Variants in ADAM23 observed in about 807,000 individuals in gnomAD.
ADAM23 encodes disintegrin and metalloproteinase domain-containing protein 23.
In ADAM23, 33 loss-of-function variants were observed where a neutral mutation model predicts 120.1. The ratio of observed to expected loss-of-function variants is 0.27; its 90% CI spans 0.21 to 0.37. The LOEUF (loss-of-function observed/expected upper bound fraction) is 0.37. Among genes scored for constraint, ADAM23 ranks in the 10% least tolerant of loss-of-function variants. ADAM23 has a pLI of 1.00. For synonymous variants in ADAM23, 367 were observed against 375.2 expected, an observed-to-expected ratio of 0.98 and a Z score of 0.25; for missense variants, 862 against 1,058.2, an observed-to-expected ratio of 0.81 and a Z score of 2.57.
rs138401907 is a variant in ADAM23, at chr2:206,486,319, G to A, written c.509+5011G>A. Among the ~76,000 whole-genome samples, 20 of 151,950 alleles carry A rather than the reference G, an allele frequency of 1.3e-4. No individual in the cohort carries two copies. In the East Asian group the frequency reaches 3.1e-3, roughly 24 times the overall value. ...ACAGAAGATTTTGAAAAGATCACTA[G>A]GGTAACGTTTCTTGTCTTTCCTTTT... On this transcript the variant is annotated intron_variant, in intron 3 of 25. Transcript: ENST00000264377.
chr2:206,508,655 CAAAAAAA>C (rs34489352), intron 3 of ADAM23, among the ~76,000 whole-genome samples: 3 of 100,930 alleles, frequency 3.0e-5, no homozygotes, highest in Admixed American at 9.6e-5. Context: ...ACTCTGTCTC[CAAAAAAA>C]AAAAAAAAAA....
chr2:206,453,257 AC>A (rs1691754490), intron 2 of ADAM23, among the ~76,000 whole-genome samples: 1 of 152,220 alleles, frequency 6.6e-6, no homozygotes, highest in Non-Finnish European at 1.5e-5. Flanking sequence ...AACCCCTGTG[AC>A]CAGTGGCAAG....
At chr2:206,557,363 C>A in intron 9 of ADAM23, 64 bp from the exon 10 acceptor site, 1 of 1,297,742 alleles carries the variant, frequency 7.7e-7, no homozygotes, top group Non-Finnish European at 1.1e-6. Context: ...TCTGCTTTTA[C>A]AGCATTTTGA....
rs186565610 is a variant in ADAM23 at position 206,500,836 on chromosome 2, A to G, written c.509+19528A>G. 4.4e-3 allele frequency among the ~76,000 whole-genome samples: 675 copies of G among 152,290 alleles called. 6 individuals carry two copies. The highest frequency in any genetic ancestry group is 6.9e-3 in the Non-Finnish European group (471 of 68,024). The stretch of plus-strand genomic sequence containing the variant: ...CACATCTGGTAGGGCTTTGAGTGTC[A>G]CAACCTCATGCTTTTAATTATTTAT... On this transcript the variant is annotated intron_variant, in intron 3 of 25. Coordinates refer to ENST00000264377, the MANE Select transcript of ADAM23 (RefSeq NM_003812.4).
At chr2:206,479,900 G>C (rs879688728) in intron 2 of ADAM23, among the ~76,000 whole-genome samples, 11 of 152,056 alleles carry the variant, frequency 7.2e-5, no homozygotes, top group Non-Finnish European at 1.6e-4. Flanking sequence ...TATCTGATTT[G>C]GCAGTGTGCT....
intron 24 of ADAM23, among the ~76,000 whole-genome samples, chr2:206,602,554 C>CTA (rs952484012): frequency 6.6e-6 from 1 of 152,254 alleles, no homozygotes; most frequent in African/African-American, 2.4e-5. Context: ...CAAATGATGA[C>CTA]TTTGATGCCT....
chr2:206,619,386 G>A lies in ADAM23; in HGVS notation c.*1759G>A, dbSNP rs1399209280. The A allele has an allele frequency of 6.6e-6, 1 of 152,076 alleles. No homozygotes were observed. Among genetic ancestry groups the A allele is most frequent in the African/African-American group, 2.4e-5 (1 of 41,392 alleles). 9.4% of individuals were successfully genotyped at this position (152,076 alleles called of 1,614,324 possible). ...CTTCTGTCACATGTTAAGTAAATAA[G>A]CTGAAGAAATTTGGTCCCGGCTTTG... is the stretch of plus-strand genomic sequence containing the variant. On this transcript the variant is annotated 3_prime_UTR_variant, in exon 26 of 26. Transcript: ENST00000264377.
At chr2:206,585,439 C>T (rs1698303165) in intron 18 of ADAM23, among the ~76,000 whole-genome samples, 1 of 152,154 alleles carries the variant, frequency 6.6e-6, no homozygotes, top group Non-Finnish European at 1.5e-5. Flanking sequence ...GCGAATGAAA[C>T]ATTTATGAGA....
chr2:206,605,832 C>T (rs1274053946), intron 24 of ADAM23: 1 of 698,696 alleles, frequency 1.4e-6, no homozygotes, highest in Non-Finnish European at 2.6e-6. Context: ...GTGGCCGGCA[C>T]CATTCTGGCC....
At chr2:206,565,818 G>A (rs2105826353) in intron 14 of ADAM23, among the ~76,000 whole-genome samples, 1 of 152,202 alleles carries the variant, frequency 6.6e-6, no homozygotes, top group Middle Eastern at 3.4e-3. Flanking sequence ...ACCATTTCTG[G>A]TCCTACCTCC....
At chr2:206,491,135 A>T (rs559249947) in intron 3 of ADAM23, among the ~76,000 whole-genome samples, 1 of 152,086 alleles carries the variant, frequency 6.6e-6, no homozygotes, top group African/African-American at 2.4e-5. Context: ...GTGAAATTCA[A>T]TGGATGTTTG....
At chr2:206,600,125 C>T (rs1426375791) in intron 24 of ADAM23, among the ~76,000 whole-genome samples, 1 of 152,178 alleles carries the variant, frequency 6.6e-6, no homozygotes, top group Non-Finnish European at 1.5e-5. Context: ...TGGCGTGAAC[C>T]TGGGAGGCAG....
intron 9 of ADAM23, among the ~76,000 whole-genome samples, chr2:206,551,947 G>A (rs1454448480): frequency 6.6e-6 from 1 of 152,192 alleles, no homozygotes; most frequent in Non-Finnish European, 1.5e-5. Flanking sequence ...AAAGCCAGAT[G>A]TGTAGGCAGT....
At chr2:206,506,555 G>A (rs749605270) in intron 3 of ADAM23, among the ~76,000 whole-genome samples, 72 of 152,266 alleles carry the variant, frequency 4.7e-4, no homozygotes, top group South Asian at 1.5e-3. Flanking sequence ...GGACCTTAAC[G>A]TTCCTAGGTT....
chr2:206,481,475 C>A (rs1203792295), intron 3 of ADAM23, among the ~76,000 whole-genome samples, 167 bp downstream of exon 3: 1 of 151,900 alleles, frequency 6.6e-6, no homozygotes. Context: ...ATATTTTTTT[C>A]CGAAATAAAA....
At chr2:206,549,606 G>C (rs183494321) in intron 8 of ADAM23, among the ~76,000 whole-genome samples, 323 of 151,984 alleles carry the variant, frequency 2.1e-3, no homozygotes, top group African/African-American at 7.3e-3. Context: ...TCACTCGAGT[G>C]AGTTAATGTT....
intron 3 of ADAM23, 64 bp from the exon 4 acceptor site, chr2:206,530,821 C>A (rs141720139): frequency 2.1e-6 from 3 of 1,447,500 alleles, no homozygotes; most frequent in South Asian, 2.4e-5. Flanking sequence ...TTTATTGAGC[C>A]GATTGTTTTT....
At chr2:206,518,321 G>A (rs1242399373) in intron 3 of ADAM23, among the ~76,000 whole-genome samples, 2 of 152,106 alleles carry the variant, frequency 1.3e-5, no homozygotes, top group Non-Finnish European at 2.9e-5. Flanking sequence ...TTAGTATTAT[G>A]CAAAATGTCT....
At chr2:206,572,401 T>A (rs6736588) in intron 17 of ADAM23, among the ~76,000 whole-genome samples, 5 of 151,940 alleles carry the variant, frequency 3.3e-5, no homozygotes, top group Non-Finnish European at 1.5e-5. Context: ...AATCTTCCCT[T>A]TTCTCATATA....
Sources: gnomAD v4.1 joint callset for allele counts (sites outside exome capture counted in the v4.1 genomes callset) on GRCh38, gnomAD v4.1.1 for gene constraint, MANE v1.5 for transcripts, NCBI Gene and HGNC (gene_info 2026-07-23, HGNC 2026-07-21) for gene names.